RDX: variants seen among roughly 807,000 people sequenced by gnomAD.
The protein encoded by RDX is deafness, autosomal recessive 24.
RDX carries 32 observed loss-of-function variants against 83.7 expected under a neutral mutation model. The ratio of observed to expected loss-of-function variants is 0.38; its 90% CI spans 0.29 to 0.51. The LOEUF (loss-of-function observed/expected upper bound fraction) is 0.51. Ranked by LOEUF, RDX falls within the 20% of genes least tolerant of loss-of-function variation. The probability of loss-of-function intolerance (pLI) is 0.87; values close to 1 mark genes in which losing one functional copy is unlikely to be tolerated. For missense variants in RDX, 600 were observed against 689.9 expected, an observed-to-expected ratio of 0.87 and a Z score of 1.46; for synonymous variants, 229 against 222.7, an observed-to-expected ratio of 1.03 and a Z score of -0.25.
chr11:110,233,425 T>G lies in RDX; in HGVS notation c.1399A>C (p.Met467Leu). ...EKTKEELKTVMSAPPPPPPPP... is the reference protein window; with the variant it reads ...EKTKEELKTVLSAPPPPPPPP... ...GGTGGAGGTGGAGGGGGGGCAGACATCACAGTTTTTAACTCTTCTTTGGTC... is the reference window on the plus strand; with the variant it reads ...GGTGGAGGTGGAGGGGGGGCAGACAGCACAGTTTTTAACTCTTCTTTGGTC... Residue 467 changes from methionine (M) to leucine (L), a missense_variant, in exon 13 of 14, where the codon ATG (methionine) becomes CTG (leucine). Transcript: ENST00000645495. 1.2e-6 allele frequency: 2 copies of G among 1,614,044 alleles called. No individual in the cohort carries two copies. The highest frequency in any genetic ancestry group is 1.7e-6 in the Non-Finnish European group (2 of 1,179,978).
intron 12 of RDX, among the ~76,000 whole-genome samples, chr11:110,234,522 A>G (rs1269477481): frequency 1.3e-5 from 2 of 152,208 alleles, no homozygotes; most frequent in Admixed American, 6.5e-5. Context: ...TCCTGGAAGA[A>G]TATGTACTAA....
At chr11:110,256,000 T>C (rs891362116) in intron 7 of RDX, among the ~76,000 whole-genome samples, 6 of 152,184 alleles carry the variant, frequency 3.9e-5, no homozygotes, top group Admixed American at 6.5e-5. Context: ...TTCAAACTCT[T>C]GAGACTATAC....
chr11:110,181,846 A>G (rs142703254), intron 15 of RDX: 13 of 152,564 alleles, frequency 8.5e-5, no homozygotes, highest in African/African-American at 2.9e-4. Flanking sequence ...GGCCTGAAAA[A>G]AAAGGGGGCA....
chr11:110,183,758 C>T (rs1043209979), intron 15 of RDX, among the ~76,000 whole-genome samples: 3 of 152,216 alleles, frequency 2.0e-5, no homozygotes, highest in Admixed American at 1.3e-4. Context: ...ACTGAAGGGG[C>T]CAGGGCAGCA....
At chr11:110,247,917 T>A in intron 9 of RDX, 84 bp from the exon 10 acceptor site, 1 of 1,458,850 alleles carries the variant, frequency 6.9e-7, no homozygotes, top group Non-Finnish European at 9.2e-7. Context: ...CCATAAAAAG[T>A]AACAAAATAA....
chr11:110,186,791 C>T (rs1469637396), intron 15 of RDX, among the ~76,000 whole-genome samples: 2 of 152,320 alleles, frequency 1.3e-5, no homozygotes, highest in Non-Finnish European at 2.9e-5. Context: ...CAGATATTTT[C>T]CCAGACCCGG....
At position 110,257,916 on chromosome 11, in the gene RDX, G is replaced by A. The variant is rs1859611731; in HGVS notation, c.552-3C>T. The A allele has an allele frequency of 3.1e-6, 5 of 1,610,698 alleles. No individual in the cohort carries two copies. Among genetic ancestry groups the A allele is most frequent in the Non-Finnish European group, 4.2e-6 (5 of 1,177,444 alleles). ...GGTATTCCATCATAGAATCCTCCCTGTTGAAATAAAACTAAATGTAATATA... is the reference window on the plus strand; with the variant it reads ...GGTATTCCATCATAGAATCCTCCCTATTGAAATAAAACTAAATGTAATATA... On this transcript the variant is annotated splice_region_variant and splice_polypyrimidine_tract_variant and intron_variant, in intron 6 of 13. Coordinates refer to ENST00000645495, the MANE Select transcript of RDX (RefSeq NM_002906.4).
chr11:110,247,692 G>T lies in RDX; in HGVS notation c.1090+11C>A, dbSNP rs758217542. Reference sequence around the variant, plus strand: ...TAATTTTTAATCCATTTTCAAAAAAGAAACTTTTACCTTTCTGAGCTTTAA... The same window carrying T: ...TAATTTTTAATCCATTTTCAAAAAATAAACTTTTACCTTTCTGAGCTTTAA... On this transcript the variant is annotated intron_variant, in intron 10 of 13. Coordinates refer to ENST00000645495, the MANE Select transcript of RDX (RefSeq NM_002906.4). 2.5e-6 allele frequency: 4 copies of T among 1,609,066 alleles called. No individual in the cohort carries two copies. The highest frequency in any genetic ancestry group is 8.5e-7 in the Non-Finnish European group (1 of 1,178,902).
At chr11:110,292,663 AC>A (rs1470349364) in intron 1 of RDX, among the ~76,000 whole-genome samples, 8 of 152,142 alleles carry the variant, frequency 5.3e-5, no homozygotes, top group South Asian at 2.1e-4. Flanking sequence ...AAAAAAAAAA[AC>A]ATTTAAGGTC....
At chr11:110,251,006 A>G (rs1164379356) in intron 9 of RDX, among the ~76,000 whole-genome samples, 2 of 152,176 alleles carry the variant, frequency 1.3e-5, no homozygotes, top group African/African-American at 4.8e-5. Flanking sequence ...GCCCATAGGC[A>G]CACCACACAT....
rs147732690 is a variant in RDX at position 110,254,016 on chromosome 11, G to C, written c.889C>G (p.Pro297Ala). The change falls in exon 9 of 14, where the codon CCT becomes GCT. Residue 297 changes from proline to alanine, a missense_variant. Pro to Ala is a conservative substitution (Grantham distance 27). Coordinates refer to ENST00000645495, the MANE Select transcript of RDX (RefSeq NM_002906.4). ...ATCTGTTGTACTTCAATAGTATCAG[G>C]CTTCCTTCTTCGCATGTATAGTTCA... is the stretch of plus-strand genomic sequence containing the variant. ...NHELYMRRRK[P>A]DTIEVQQMKA... The C allele has an allele frequency of 3.7e-6, 6 of 1,613,630 alleles. No individual in the cohort carries two copies. The African/African-American group carries it at 8.0e-5, about 22-fold the overall frequency.
At chr11:110,209,580 A>G (rs532247958) in intron 14 of RDX, among the ~76,000 whole-genome samples, 10 of 151,586 alleles carry the variant, frequency 6.6e-5, no homozygotes, top group Admixed American at 4.6e-4. Flanking sequence ...GCAGACTTAA[A>G]TGTCCCTGTC....
intron 15 of RDX, among the ~76,000 whole-genome samples, chr11:110,189,057 A>G (rs2134224671): frequency 6.6e-6 from 1 of 152,056 alleles, no homozygotes; most frequent in East Asian, 1.9e-4. Context: ...CAGAGTGACA[A>G]ATTCGACTTT....
At chr11:110,279,549 TA>T (rs1860666858) in intron 2 of RDX, 131 bp downstream of exon 2, 3 of 671,382 alleles carry the variant, frequency 4.5e-6, no homozygotes, top group Non-Finnish European at 5.4e-6. Context: ...CACATTAATC[TA>T]AAGAGAAATA....
At chr11:110,189,261 A>AAAAAAAAAAAAAAG (rs1863056901) in intron 15 of RDX, among the ~76,000 whole-genome samples, 1 of 147,478 alleles carries the variant, frequency 6.8e-6, no homozygotes, top group African/African-American at 2.6e-5. Flanking sequence ...AAAAAAAAAA[A>AAAAAAAAAAAAAAG]AAAAAAAGAC....
chr11:110,237,793 G>T, intron 10 of RDX, 141 bp from the exon 11 acceptor site: 1 of 952,864 alleles, frequency 1.0e-6, no homozygotes, highest in Non-Finnish European at 1.7e-6. Context: ...ATACCTCTTT[G>T]TTTTCTTGAG....
rs1230796953 is a variant in RDX, at chr11:110,200,278, CTCCTCTGCAGA to C, written c.1749-611_1749-601del. On this transcript the variant is annotated intron_variant, in intron 14 of 15. Transcript: ENST00000528498. ...AAGACAAACAAACCATGAAAACTAC[CTCCTCTGCAGA>C]CACGTTGGCATTGCCGGAATTAAAG... 34 of 153,172 alleles carry C rather than the reference CTCCTCTGCAGA, an allele frequency of 2.2e-4. 1 individual carries two copies. The highest frequency in any genetic ancestry group is 4.7e-4 in the Non-Finnish European group (32 of 68,614). 9.5% of individuals were successfully genotyped at this position (153,172 alleles called of 1,614,324 possible).
chr11:110,215,287 C>T (rs1864000216), intron 14 of RDX, among the ~76,000 whole-genome samples: 2 of 149,892 alleles, frequency 1.3e-5, no homozygotes, highest in Admixed American at 6.7e-5. Flanking sequence ...GGCATGAACC[C>T]GGGAGGCAGA....
chr11:110,261,492 T>G (rs1859804079), intron 5 of RDX, among the ~76,000 whole-genome samples: 1 of 152,194 alleles, frequency 6.6e-6, no homozygotes. Context: ...ATTTGATTTG[T>G]TATCACCAAA....
Sources: gnomAD v4.1 joint callset for allele counts (sites outside exome capture counted in the v4.1 genomes callset) on GRCh38, gnomAD v4.1.1 for gene constraint, MANE v1.5 for transcripts, NCBI Gene and HGNC (gene_info 2026-07-23, HGNC 2026-07-21) for gene names.